VPS8: variants seen among roughly 807,000 people sequenced by gnomAD.
VPS8 encodes VPS8 subunit of CORVET complex.
In VPS8, 129 loss-of-function variants were observed where a neutral mutation model predicts 216.4. The ratio of observed to expected loss-of-function variants is 0.60; its 90% confidence interval spans 0.52 to 0.69. The LOEUF (loss-of-function observed/expected upper bound fraction) is 0.69. Ranked by LOEUF, VPS8 falls within the 30% of genes least tolerant of loss-of-function variation. The probability of loss-of-function intolerance (pLI) is 0.00; values close to 1 mark genes in which losing one functional copy is unlikely to be tolerated. For missense variants in VPS8, 1,531 were observed against 1,683.5 expected (o/e 0.91, Z 1.59); for synonymous variants, 571 against 565.4 (o/e 1.01, Z -0.14).
At chr3:184,860,460 C>T (rs1260929096) in intron 15 of VPS8, among the ~76,000 whole-genome samples, 1 of 74,664 alleles carries the variant, frequency 1.3e-5, no homozygotes, top group Non-Finnish European at 2.5e-5. Context: ...TGTATGTATA[C>T]ACACACATAC....
intron 34 of VPS8, among the ~76,000 whole-genome samples, 188 bp from the exon 35 acceptor site, chr3:184,936,058 T>C (rs1030720429): frequency 2.0e-5 from 3 of 152,080 alleles, no homozygotes; most frequent in African/African-American, 7.2e-5. Context: ...TTTTTTTTTT[T>C]ACATGGCACA....
chr3:184,834,361 G>C (rs1720621296), intron 4 of VPS8, among the ~76,000 whole-genome samples: 1 of 152,184 alleles, frequency 6.6e-6, no homozygotes, highest in Non-Finnish European at 1.5e-5. Flanking sequence ...GGGATTGTTA[G>C]ATCCGTCATA....
rs558626150 is a variant in VPS8 at position 184,835,289 on chromosome 3, T to G, written c.447+547T>G. ...ATTAACTTGTCTTAGATCATTCTGT[T>G]AGGAGGTAGCAAGGCATTTATTCAA... On this transcript the variant is annotated intron_variant, in intron 5 of 47. Transcript: ENST00000625842. 8.5e-5 allele frequency among the ~76,000 whole-genome samples: 13 copies of G among 152,324 alleles called. No individual in the cohort carries two copies. In the East Asian group the frequency reaches 2.3e-3, roughly 27 times the overall value.
intron 25 of VPS8, among the ~76,000 whole-genome samples, chr3:184,906,370 G>A (rs1404307110): frequency 6.6e-6 from 1 of 152,118 alleles, no homozygotes; most frequent in African/African-American, 2.4e-5. Flanking sequence ...TGTTCTATGT[G>A]CACTTGAGCA....
chr3:184,838,981 T>C, intron 6 of VPS8: 1 of 411,704 alleles, frequency 2.4e-6, no homozygotes, highest in Non-Finnish European at 4.3e-6. Context: ...AATATTAGCC[T>C]TCTCCAGGTT....
At chr3:185,046,552 C>T (rs1014339230) in intron 46 of VPS8, among the ~76,000 whole-genome samples, 35 of 152,244 alleles carry the variant, frequency 2.3e-4, no homozygotes, top group African/African-American at 8.4e-4. Context: ...ATACAGGGAG[C>T]TGGTAACAGG....
chr3:184,855,159 T>C (rs202020973), intron 13 of VPS8, among the ~76,000 whole-genome samples: 8 of 152,050 alleles, frequency 5.3e-5, no homozygotes, highest in Admixed American at 4.6e-4. Context: ...GTTTTTATTG[T>C]TTTTTTTCAA....
At chr3:185,035,708 A>T (rs937317775) in intron 46 of VPS8, among the ~76,000 whole-genome samples, 3 of 152,320 alleles carry the variant, frequency 2.0e-5, no homozygotes, top group East Asian at 3.9e-4. Context: ...CAAGACAAGG[A>T]TGTCCACTCT....
intron 3 of VPS8, among the ~76,000 whole-genome samples, chr3:184,828,211 C>T (rs13320838): frequency 0.023 from 3,536 of 152,226 alleles, 126 homozygotes; most frequent in African/African-American, 0.081. Flanking sequence ...ACGATCTTGG[C>T]TCACTGCACC....
chr3:184,947,095 G>A (rs189902158), intron 36 of VPS8, among the ~76,000 whole-genome samples: 84 of 152,290 alleles, frequency 5.5e-4, no homozygotes, highest in Admixed American at 4.7e-3. Context: ...GGAGACGTGT[G>A]GAGAGATAGT....
intron 4 of VPS8, among the ~76,000 whole-genome samples, chr3:184,834,185 G>A (rs9878674): frequency 0.023 from 3,558 of 152,252 alleles, 126 homozygotes; most frequent in African/African-American, 0.081. Flanking sequence ...CTTGCAGGCC[G>A]GAGGAGTGCT....
intron 45 of VPS8, among the ~76,000 whole-genome samples, chr3:185,007,934 C>T (rs981740156): frequency 2.6e-5 from 4 of 151,946 alleles, no homozygotes; most frequent in Non-Finnish European, 5.9e-5. Context: ...AGTTTACATG[C>T]CATTTAATGA....
intron 45 of VPS8, among the ~76,000 whole-genome samples, chr3:185,017,905 A>G (rs1273711211): frequency 2.0e-5 from 3 of 151,420 alleles, no homozygotes; most frequent in Admixed American, 6.6e-5. Context: ...TGATTAGCCC[A>G]GTGTTTTCCT....
intron 42 of VPS8, among the ~76,000 whole-genome samples, chr3:184,987,067 T>C (rs1205481282): frequency 6.6e-6 from 1 of 152,086 alleles, no homozygotes; most frequent in African/African-American, 2.4e-5. Context: ...GCCCCTGTGC[T>C]CCACCTATTC....
In VPS8 at chr3:184,868,933, T is replaced by G; in HGVS notation, c.1507-13T>G. ...GACAAAGGGGCCTGGTTTCTCTCAT[T>G]TTTCCGTTTTAGAGAGTGGATCATC... is the stretch of plus-strand genomic sequence containing the variant. On this transcript the variant is annotated splice_polypyrimidine_tract_variant and intron_variant, in intron 18 of 47. Transcript: ENST00000625842. The G allele has an allele frequency of 6.3e-7, 1 of 1,596,918 alleles. No individual in the cohort carries two copies. The highest frequency in any genetic ancestry group is 8.5e-7 in the Non-Finnish European group (1 of 1,171,486).
intron 40 of VPS8, 35 bp from the exon 41 acceptor site, chr3:184,982,531 C>G: frequency 6.6e-7 from 1 of 1,518,930 alleles, no homozygotes; most frequent in East Asian, 2.3e-5. Context: ...TCTTTGACCA[C>G]TTTTCTTTTT....
chr3:184,966,988 A>G (rs1459156606), intron 39 of VPS8, among the ~76,000 whole-genome samples: 3 of 119,682 alleles, frequency 2.5e-5, no homozygotes, highest in African/African-American at 9.5e-5. Flanking sequence ...TTTTTTTTTG[A>G]CAGGCTTTCG....
intron 34 of VPS8, among the ~76,000 whole-genome samples, chr3:184,933,560 C>G (rs931131968): frequency 8.6e-5 from 13 of 150,812 alleles, no homozygotes; most frequent in Non-Finnish European, 8.9e-5. Flanking sequence ...TTTAAGTGGT[C>G]AAAATAATCA....
chr3:184,947,631 AAAAC>A (rs1406755978), intron 36 of VPS8, among the ~76,000 whole-genome samples: 1 of 152,116 alleles, frequency 6.6e-6, no homozygotes, highest in South Asian at 2.1e-4. Context: ...GAGCAAAAGA[AAAAC>A]AAAGGTTAAT....
Sources: allele counts gnomAD v4.1 joint callset (sites outside exome capture counted in the v4.1 genomes callset), GRCh38; gene constraint gnomAD v4.1.1; transcripts MANE v1.5; gene names NCBI Gene and HGNC (gene_info 2026-07-23, HGNC 2026-07-21).